The following CCDC91 variants were observed in gnomAD, a reference collection of about 807,000 sequenced individuals.
The protein encoded by CCDC91 is coiled-coil domain containing 91, also known as coiled-coil domain-containing protein 91.
In CCDC91, 48 loss-of-function variants were observed where a neutral mutation model predicts 63.2. The observed-to-expected ratio is 0.76, with a 90% CI of 0.60 to 0.97. The LOEUF (loss-of-function observed/expected upper bound fraction) is 0.97. Among genes scored for constraint, CCDC91 ranks in the 50% least tolerant of loss-of-function variants. The pLI is 0.00. For missense variants in CCDC91, 500 were observed against 494.6 expected, an observed-to-expected ratio of 1.01 and a Z score of -0.10; for synonymous variants, 167 against 165.8, an observed-to-expected ratio of 1.01 and a Z score of -0.06.
intron 1 of CCDC91, among the ~76,000 whole-genome samples, chr12:28,195,184 C>A (rs61920241): frequency 6.1e-5 from 5 of 82,194 alleles, no homozygotes; most frequent in Non-Finnish European, 1.2e-4. Flanking sequence ...GTCCGTTTTG[C>A]CAGAGTGTTG....
At chr12:28,435,147 C>T (rs1254458208) in intron 8 of CCDC91, among the ~76,000 whole-genome samples, 1 of 151,400 alleles carries the variant, frequency 6.6e-6, no homozygotes, top group Non-Finnish European at 1.5e-5. Context: ...TTGATTTCTG[C>T]TCTTATTTGT....
At chr12:28,456,118 C>A (rs1950046316) in intron 11 of CCDC91, among the ~76,000 whole-genome samples, 1 of 152,040 alleles carries the variant, frequency 6.6e-6, no homozygotes, top group Non-Finnish European at 1.5e-5. Context: ...GTTCTATAGG[C>A]AAAACTTTAA....
At chr12:28,195,022 G>C (rs955880730) in intron 1 of CCDC91, among the ~76,000 whole-genome samples, 1 of 152,200 alleles carries the variant, frequency 6.6e-6, no homozygotes, top group East Asian at 1.9e-4. Flanking sequence ...GCATGGAAGG[G>C]GACCCGAAGG....
chr12:28,349,040 G>A (rs1943009463), intron 6 of CCDC91, among the ~76,000 whole-genome samples: 1 of 151,958 alleles, frequency 6.6e-6, no homozygotes, highest in African/African-American at 2.4e-5. Flanking sequence ...TTTTTCAATT[G>A]ATATTTTTAT....
At chr12:28,228,719 G>C (rs990441132) in intron 1 of CCDC91, among the ~76,000 whole-genome samples, 5 of 152,128 alleles carry the variant, frequency 3.3e-5, no homozygotes, top group African/African-American at 1.2e-4. Context: ...TGGGTACCAA[G>C]TATGTGTTAA....
chr12:28,235,587 A>G (rs1438567655), intron 1 of CCDC91, among the ~76,000 whole-genome samples: 1 of 53,812 alleles, frequency 1.9e-5, no homozygotes, highest in East Asian at 5.6e-4. Context: ...TTAATGCCGC[A>G]TAGCATTAAA....
chr12:28,286,574 G>A (rs1381837980), intron 3 of CCDC91, among the ~76,000 whole-genome samples: 1 of 152,166 alleles, frequency 6.6e-6, no homozygotes, highest in Non-Finnish European at 1.5e-5. Flanking sequence ...GTATTCCATG[G>A]TGTACATATA....
rs371923475 is a variant in CCDC91 at position 28,256,454 on chromosome 12, A to G, written c.-14-748A>G. Among the ~76,000 whole-genome samples the G allele has an allele frequency of 7.6e-4, 112 of 147,350 alleles. 2 individuals are homozygous for G. In the East Asian group the frequency reaches 0.013, roughly 18 times the overall value. ...TCCTTTTTTTTTTTTTAAAGCCCTGATACTAATGGTTTTATCTTTTCATTT... is the reference window on the plus strand; with the variant it reads ...TCCTTTTTTTTTTTTTAAAGCCCTGGTACTAATGGTTTTATCTTTTCATTT... On this transcript the variant is annotated intron_variant, in intron 1 of 12. Coordinates refer to ENST00000536442, the MANE Select transcript of CCDC91 (RefSeq NM_018318.5).
intron 8 of CCDC91, among the ~76,000 whole-genome samples, chr12:28,407,071 G>A (rs1592579463): frequency 6.6e-6 from 1 of 152,188 alleles, no homozygotes; most frequent in East Asian, 1.9e-4. Context: ...AGAAGTGATT[G>A]TTTAAACGTG....
chr12:28,323,429 A>G (rs1940704142), intron 6 of CCDC91, among the ~76,000 whole-genome samples: 1 of 151,868 alleles, frequency 6.6e-6, no homozygotes, highest in African/African-American at 2.4e-5. Flanking sequence ...TTTGCCGTAT[A>G]TTAAATTTCC....
intron 11 of CCDC91, among the ~76,000 whole-genome samples, chr12:28,471,346 A>G (rs949734555): frequency 2.0e-5 from 3 of 152,210 alleles, no homozygotes; most frequent in Admixed American, 6.5e-5. Context: ...TACAATAAAG[A>G]CATTTTACAG....
In CCDC91 at chr12:28,516,890, T is replaced by G. The variant is rs76580398; in HGVS notation, c.1216-32173T>G. ...TTAAAGTTCTCACCTCTAAATACTC[T>G]TACAATGGCAGTTAGATTTCAACTT... On this transcript the variant is annotated intron_variant, in intron 12 of 12. Coordinates refer to ENST00000536442, the MANE Select transcript of CCDC91 (RefSeq NM_018318.5). Among the ~76,000 whole-genome samples, 1,197 of 152,028 alleles carry G rather than the reference T, an allele frequency of 7.9e-3. 18 individuals are homozygous for G. The highest frequency in any genetic ancestry group is 0.028 in the African/African-American group (1,161 of 41,532).
intron 8 of CCDC91, among the ~76,000 whole-genome samples, chr12:28,419,291 A>G (rs1947862891): frequency 6.6e-6 from 1 of 152,166 alleles, no homozygotes; most frequent in African/African-American, 2.4e-5. Context: ...ATTCTACCAC[A>G]TCTGTGTAGA....
At position 28,369,038 on chromosome 12, in the gene CCDC91, T is replaced by G. The variant is rs1332571157; in HGVS notation, c.654+6523T>G. 3.9e-5 allele frequency among the ~76,000 whole-genome samples: 6 copies of G among 152,168 alleles called. No individual in the cohort carries two copies. The East Asian group carries it at 1.2e-3, about 29-fold the overall frequency. ...GACACAAAGCCAAATCATGTCATTC[T>G]GTCCCTGGCCCTTCCCAAATCTCAT... is the stretch of plus-strand genomic sequence containing the variant. On this transcript the variant is annotated intron_variant, in intron 7 of 12. Transcript: ENST00000536442.
intron 12 of CCDC91, among the ~76,000 whole-genome samples, chr12:28,500,934 A>G (rs1937751207): frequency 6.6e-6 from 1 of 151,728 alleles, no homozygotes; most frequent in African/African-American, 2.4e-5. Context: ...AACAAGTCAT[A>G]GAAATTCTCA....
chr12:28,489,953 T>C (rs1352015589), intron 12 of CCDC91, among the ~76,000 whole-genome samples: 1 of 151,956 alleles, frequency 6.6e-6, no homozygotes, highest in African/African-American at 2.4e-5. Flanking sequence ...ATATAGAAGT[T>C]TGACTAGCTG....
intron 6 of CCDC91, among the ~76,000 whole-genome samples, chr12:28,318,385 C>T (rs1214053007): frequency 1.3e-5 from 2 of 150,732 alleles, no homozygotes; most frequent in African/African-American, 4.9e-5. Flanking sequence ...AACCAAAAAA[C>T]GAAATTAGCT....
chr12:28,398,853 G>T (rs773485167), intron 8 of CCDC91, among the ~76,000 whole-genome samples: 2 of 151,968 alleles, frequency 1.3e-5, no homozygotes, highest in African/African-American at 4.8e-5. Flanking sequence ...GTCTACTTTC[G>T]TAAATATTCA....
At chr12:28,308,624 G>T (rs1432923142) in intron 6 of CCDC91, among the ~76,000 whole-genome samples, 1 of 151,648 alleles carries the variant, frequency 6.6e-6, no homozygotes, top group Admixed American at 6.6e-5. Context: ...CTAATGTCCA[G>T]AGTGCTCAGA....
Sources: gnomAD v4.1 joint callset for allele counts (sites outside exome capture counted in the v4.1 genomes callset) on GRCh38, gnomAD v4.1.1 for gene constraint, MANE v1.5 for transcripts, NCBI Gene and HGNC (gene_info 2026-07-23, HGNC 2026-07-21) for gene names.